The following CTNND2 variants were observed in gnomAD, a reference collection of about 807,000 sequenced individuals.
CTNND2 encodes catenin delta 2.
In CTNND2, 22 loss-of-function variants were observed where a neutral mutation model predicts 144.4. The observed-to-expected ratio is 0.15, with a 90% CI of 0.11 to 0.22. CTNND2 has a LOEUF of 0.22. CTNND2 is among the 10% of genes least tolerant of loss of function. The probability of loss-of-function intolerance (pLI) is 1.00; values close to 1 mark genes in which losing one functional copy is unlikely to be tolerated. For missense variants in CTNND2, 1,353 were observed against 1,618.8 expected (o/e 0.84, Z 2.82); for synonymous variants, 751 against 695.6 (o/e 1.08, Z -1.25).
intron 16 of CTNND2, among the ~76,000 whole-genome samples, chr5:11,072,649 T>C (rs1271763963): frequency 6.6e-6 from 1 of 152,258 alleles, no homozygotes; most frequent in Non-Finnish European, 1.5e-5. Context: ...AATGTCCCTT[T>C]GACTGGAGTC....
At chr5:11,250,193 T>C (rs778047575) in intron 9 of CTNND2, among the ~76,000 whole-genome samples, 27 of 152,166 alleles carry the variant, frequency 1.8e-4, no homozygotes, top group Non-Finnish European at 3.4e-4. Context: ...GAAAAGGCTG[T>C]TGAAAGGCCC....
intron 9 of CTNND2, among the ~76,000 whole-genome samples, chr5:11,281,385 C>T (rs1465985398): frequency 6.6e-6 from 1 of 152,166 alleles, no homozygotes; most frequent in Non-Finnish European, 1.5e-5. Context: ...GGTGTTAGTG[C>T]TACTGAAAGC....
intron 2 of CTNND2, among the ~76,000 whole-genome samples, chr5:11,594,147 G>A (rs1382545876): frequency 6.6e-6 from 1 of 152,158 alleles, no homozygotes; most frequent in African/African-American, 2.4e-5. Context: ...GAACACTACA[G>A]AAATGCTCAG....
intron 5 of CTNND2, among the ~76,000 whole-genome samples, chr5:11,402,778 T>C (rs1239232466): frequency 6.6e-6 from 1 of 152,228 alleles, no homozygotes; most frequent in Non-Finnish European, 1.5e-5. Flanking sequence ...TTTATAAATA[T>C]CATTTCTAAG....
At chr5:11,453,071 G>A (rs959463789) in intron 3 of CTNND2, among the ~76,000 whole-genome samples, 2 of 152,126 alleles carry the variant, frequency 1.3e-5, no homozygotes, top group Admixed American at 6.5e-5. Context: ...CACACTTCAG[G>A]GAACTAATGT....
chr5:11,523,774 C>T (rs1772968492), intron 3 of CTNND2, among the ~76,000 whole-genome samples: 1 of 152,172 alleles, frequency 6.6e-6, no homozygotes, highest in Admixed American at 6.5e-5. Context: ...TATCGAAACT[C>T]TGCCCCCTTC....
intron 16 of CTNND2, among the ~76,000 whole-genome samples, chr5:11,052,730 G>A (rs1221927001): frequency 6.6e-6 from 1 of 152,110 alleles, no homozygotes; most frequent in Non-Finnish European, 1.5e-5. Context: ...AACAGGTTGT[G>A]TTGATGATCT....
chr5:11,464,233 TA>T (rs1766464561), intron 3 of CTNND2, among the ~76,000 whole-genome samples: 1 of 152,068 alleles, frequency 6.6e-6, no homozygotes, highest in African/African-American at 2.4e-5. Flanking sequence ...ATAAACAAAA[TA>T]AATAAGTACA....
intron 18 of CTNND2, among the ~76,000 whole-genome samples, chr5:10,999,543 G>T (rs192846812): frequency 6.6e-6 from 1 of 152,270 alleles, no homozygotes; most frequent in African/African-American, 2.4e-5. Flanking sequence ...CCTTCCTATT[G>T]ATGATAAAGA....
At chr5:11,652,395 A>G (rs951611541) in intron 2 of CTNND2, among the ~76,000 whole-genome samples, 7 of 152,182 alleles carry the variant, frequency 4.6e-5, no homozygotes, top group Admixed American at 6.5e-5. Context: ...TTTTTGTTAT[A>G]TAAATAACTC....
intron 3 of CTNND2, among the ~76,000 whole-genome samples, chr5:11,469,932 T>C (rs1767014369): frequency 6.6e-6 from 1 of 152,158 alleles, no homozygotes; most frequent in Non-Finnish European, 1.5e-5. Flanking sequence ...CCCTTGACCA[T>C]GCCTCCTCTG....
chr5:11,119,056 G>A (rs1422288920), intron 12 of CTNND2, among the ~76,000 whole-genome samples: 2 of 152,010 alleles, frequency 1.3e-5, no homozygotes, highest in East Asian at 3.9e-4. Flanking sequence ...TTACTGCACC[G>A]AGACTTTCTG....
At chr5:11,770,945 T>C (rs997310946) in intron 1 of CTNND2, among the ~76,000 whole-genome samples, 1 of 152,116 alleles carries the variant, frequency 6.6e-6, no homozygotes, top group Non-Finnish European at 1.5e-5. Context: ...CTCAGCTATG[T>C]TCCTCTTCTT....
At chr5:11,086,430 A>G (rs1750150528) in intron 15 of CTNND2, among the ~76,000 whole-genome samples, 1 of 152,194 alleles carries the variant, frequency 6.6e-6, no homozygotes, top group Non-Finnish European at 1.5e-5. Context: ...CTGCAGGGGC[A>G]GGAGAGGATG....
intron 3 of CTNND2, among the ~76,000 whole-genome samples, chr5:11,426,649 G>A (rs140814415): frequency 3.9e-4 from 59 of 152,280 alleles, no homozygotes; most frequent in Non-Finnish European, 6.8e-4. Context: ...AATGTGTTAC[G>A]TTTATGACTG....
chr5:11,101,921 G>GTA (rs1387267264), intron 14 of CTNND2, among the ~76,000 whole-genome samples: 1 of 150,872 alleles, frequency 6.6e-6, no homozygotes, highest in Non-Finnish European at 1.5e-5. Context: ...GTGTGTGTGT[G>GTA]TGTTTACATC....
chr5:11,342,022 C>T (rs1754323343), intron 9 of CTNND2, among the ~76,000 whole-genome samples: 2 of 151,976 alleles, frequency 1.3e-5, no homozygotes, highest in South Asian at 4.2e-4. Flanking sequence ...AAAATAAAAG[C>T]ATTTTTATAG....
At position 11,257,852 on chromosome 5, in the gene CTNND2, A is replaced by G. The variant is rs191694814; in HGVS notation, c.1629-21029T>C. ...CTGGCTCCTCACTTATAGCTCTGCAATACTGCACTTATTTAGATGGTAAGG... is the reference window on the plus strand; with the variant it reads ...CTGGCTCCTCACTTATAGCTCTGCAGTACTGCACTTATTTAGATGGTAAGG... On this transcript the variant is annotated intron_variant, in intron 9 of 21. Coordinates refer to ENST00000304623, the MANE Select transcript of CTNND2 (RefSeq NM_001332.4). 1.3e-4 allele frequency among the ~76,000 whole-genome samples: 20 copies of G among 152,294 alleles called. 1 individual carries two copies. The highest frequency in any genetic ancestry group is 5.9e-4 in the Admixed American group (9 of 15,300).
intron 11 of CTNND2, among the ~76,000 whole-genome samples, chr5:11,195,967 A>G (rs1736818620): frequency 1.3e-5 from 2 of 152,254 alleles, no homozygotes; most frequent in African/African-American, 4.8e-5. Context: ...TGCAAGACAT[A>G]GCAGGCAGCA....
Sources: gnomAD v4.1 joint callset for allele counts (sites outside exome capture counted in the v4.1 genomes callset) on GRCh38, gnomAD v4.1.1 for gene constraint, MANE v1.5 for transcripts, NCBI Gene and HGNC (gene_info 2026-07-23, HGNC 2026-07-21) for gene names.